The following SMG7 variants were observed in gnomAD, a reference collection of about 807,000 sequenced individuals.
SMG7 encodes the protein nonsense-mediated mRNA decay factor SMG7.
SMG7 carries 34 observed loss-of-function variants against 148.2 expected under a neutral mutation model. The ratio of observed to expected loss-of-function variants is 0.23; its 90% CI spans 0.17 to 0.31. SMG7 has a LOEUF of 0.31. Ranked by LOEUF, SMG7 falls within the 10% of genes least tolerant of loss-of-function variation. The pLI, the probability that SMG7 is intolerant of heterozygous loss-of-function variation, is 1.00. For missense variants in SMG7, 1,114 were observed against 1,408.4 expected (o/e 0.79, Z 3.35); for synonymous variants, 492 against 515.1 (o/e 0.96, Z 0.61).
rs1671400648 is a variant in SMG7, at chr1:183,553,608, G to GCCGC, written c.*1679_*1680insGCCC. On this transcript the variant is annotated 3_prime_UTR_variant, in exon 23 of 23. Transcript: ENST00000688051. Reference sequence around the variant, plus strand: ...TTGCTCTTCAGAGAGAGTGGTTGGAGCCCCCCCCGCCCCGTATGCTTACAT... The same window carrying GCCGC: ...TTGCTCTTCAGAGAGAGTGGTTGGAGCCGCCCCCCCCCGCCCCGTATGCTTACAT... 1 of 128,298 alleles carries GCCGC rather than the reference G, an allele frequency of 7.8e-6. No individual in the cohort carries two copies. Among genetic ancestry groups the GCCGC allele is most frequent in the Non-Finnish European group, 1.7e-5 (1 of 59,304 alleles). 7.9% of individuals were successfully genotyped at this position (128,298 alleles called of 1,614,324 possible).
intron 1 of SMG7, among the ~76,000 whole-genome samples, chr1:183,489,447 C>T (rs1264448695): frequency 6.6e-6 from 1 of 152,078 alleles, no homozygotes; most frequent in African/African-American, 2.4e-5. Context: ...TGGGACCTCA[C>T]CTCCCTAAGG....
intron 10 of SMG7, among the ~76,000 whole-genome samples, chr1:183,535,672 C>G (rs1281274451): frequency 1.3e-5 from 2 of 151,994 alleles, no homozygotes; most frequent in Non-Finnish European, 2.9e-5. Flanking sequence ...TTTACTTTCC[C>G]TTGTACTTTT....
At chr1:183,512,691 G>A (rs1164650790) in intron 1 of SMG7, 146 bp from the exon 2 acceptor site, 2 of 716,942 alleles carry the variant, frequency 2.8e-6, no homozygotes, top group Non-Finnish European at 4.6e-6. Context: ...AAGTAGGGAT[G>A]CTGTTTGCAG....
Position 183,528,952 on chromosome 1 carries a change from T to A in SMG7, c.617T>A (p.Ile206Asn). 1 of 1,613,646 alleles carries A rather than the reference T, an allele frequency of 6.2e-7. No homozygotes were observed. The highest frequency in any genetic ancestry group is 8.5e-7 in the Non-Finnish European group (1 of 1,179,632). ...TCCAAAGGAGACCATCTGACCACAATTTTCTACTACTGCAGAAGCATTGCT... is the reference window on the plus strand; with the variant it reads ...TCCAAAGGAGACCATCTGACCACAAATTTCTACTACTGCAGAAGCATTGCT... ...ASSKGDHLTT[I>N]FYYCRSIAVK... The change falls in exon 7 of 23, where the codon ATT becomes AAT. Residue 206 changes from isoleucine (I) to asparagine (N), a missense_variant. By Grantham distance (149) the Ile-to-Asn change is moderately radical. Transcript: ENST00000688051.
At chr1:183,502,524 G>A in intron 1 of SMG7, 2 of 610,766 alleles carry the variant, frequency 3.3e-6, no homozygotes, top group Non-Finnish European at 5.1e-6. Context: ...TCGGGATGGG[G>A]CATGCTAAAG....
chr1:183,551,853 T>A lies in SMG7; in HGVS notation c.3486T>A (p.Pro1162=), dbSNP rs1348140125. 6.2e-7 allele frequency: 1 copy of A among 1,613,792 alleles called. No individual in the cohort carries two copies. The highest frequency in any genetic ancestry group is 8.5e-7 in the Non-Finnish European group (1 of 1,179,810). ...CCAGTTCCATGATGCATCCTGGACC[T>A]TCTGCTCTGGAGCAGCTGTTAATGC... The part of the protein sequence containing the change: ...IWSSSMMHPG[P]SALEQLLMQQ... Residue 1162 remains proline (P), a synonymous_variant, in exon 23 of 23, where the codon CCT becomes CCA. Transcript: ENST00000688051.
chr1:183,552,851 G>A lies in SMG7; in HGVS notation c.*920G>A. 4.9e-6 allele frequency: 7 copies of A among 1,432,466 alleles called. No individual in the cohort carries two copies. Among genetic ancestry groups the A allele is most frequent in the Non-Finnish European group, 5.5e-6 (6 of 1,097,776 alleles). The allele number at this position is 1,432,466 out of a possible 1,614,324, so 88.7% of individuals were successfully genotyped here. ...CTTTCAGTGTGGTTATTTTTTCTTT[G>A]GTTGGTTTTTGTGCCCCCATTCTAC... On this transcript the variant is annotated 3_prime_UTR_variant, in exon 23 of 23. Coordinates refer to ENST00000688051, the MANE Select transcript of SMG7 (RefSeq NM_001375584.1).
At chr1:183,503,844 A>G (rs1463559601) in intron 1 of SMG7, among the ~76,000 whole-genome samples, 3 of 152,240 alleles carry the variant, frequency 2.0e-5, no homozygotes, top group Non-Finnish European at 4.4e-5. Flanking sequence ...ATGAGGAAAC[A>G]GTCTTCTTAA....
At chr1:183,544,864 A>G in intron 15 of SMG7, 66 bp from the exon 16 acceptor site, 2 of 1,543,964 alleles carry the variant, frequency 1.3e-6, no homozygotes, top group East Asian at 4.5e-5. Context: ...GTTAAAAAAA[A>G]AATGACTTTT....
chr1:183,505,129 A>G (rs1224684653), intron 1 of SMG7, among the ~76,000 whole-genome samples: 2 of 151,508 alleles, frequency 1.3e-5, no homozygotes, highest in Non-Finnish European at 1.5e-5. Flanking sequence ...AAAAAAAAGA[A>G]GAAACTTCTG....
At position 183,527,917 on chromosome 1, in the gene SMG7, G is replaced by GT. The variant is rs770339017; in HGVS notation, c.485-33dup. ...TTTTGGAAATACTACCCTACTGTTTGTTTTTTGGGTTTTTTAAAACTAATT... is the reference window on the plus strand; with the variant it reads ...TTTTGGAAATACTACCCTACTGTTTGTTTTTTTGGGTTTTTTAAAACTAATT... On this transcript the variant is annotated intron_variant, in intron 5 of 22. Transcript: ENST00000688051. The surrounding 1 kb of genome is among the most constrained non-coding windows in gnomAD (Gnocchi z 4.0). The GT allele has an allele frequency of 7.9e-6, 12 of 1,509,436 alleles. No individual in the cohort carries two copies. Among genetic ancestry groups the GT allele is most frequent in the South Asian group, 1.1e-5 (1 of 88,280 alleles). 93.5% of individuals were successfully genotyped at this position (1,509,436 alleles called of 1,614,324 possible). A position where few individuals can be genotyped will look rare whatever the true frequency, so the allele number is the denominator to read the frequency against.
intron 18 of SMG7, among the ~76,000 whole-genome samples, chr1:183,548,540 T>C (rs1339846048): frequency 6.6e-6 from 1 of 152,188 alleles, no homozygotes; most frequent in Non-Finnish European, 1.5e-5. Context: ...AAAAAAAACT[T>C]CGACTATAAC....
intron 1 of SMG7, 109 bp downstream of exon 1, chr1:183,472,758 C>T: frequency 9.6e-7 from 1 of 1,038,014 alleles, no homozygotes; most frequent in Admixed American, 3.3e-5. Flanking sequence ...GCTGCGTCCT[C>T]TCCTCGCCGG....
chr1:183,493,361 T>C (rs1351886050), intron 1 of SMG7, among the ~76,000 whole-genome samples: 1 of 152,242 alleles, frequency 6.6e-6, no homozygotes, highest in Non-Finnish European at 1.5e-5. Context: ...CAACTAATTC[T>C]AGTTGTTTAT....
At chr1:183,480,720 G>C (rs762282196) in intron 1 of SMG7, among the ~76,000 whole-genome samples, 2 of 152,034 alleles carry the variant, frequency 1.3e-5, no homozygotes. Flanking sequence ...GGCTTTACAG[G>C]GTGTTCTGAG....
chr1:183,502,456 T>C, intron 1 of SMG7: 1 of 1,276,512 alleles, frequency 7.8e-7, no homozygotes, highest in Non-Finnish European at 1.1e-6. Context: ...GTATTATTCA[T>C]ACTCTGTGAA....
intron 15 of SMG7, 93 bp from the exon 16 acceptor site, chr1:183,544,837 A>G: frequency 9.4e-5 from 107 of 1,136,946 alleles, no homozygotes; most frequent in Middle Eastern, 2.0e-4. Context: ...GTGTTAGAAG[A>G]CTCCCTCTAC....
chr1:183,489,609 G>A (rs964498664), intron 1 of SMG7, among the ~76,000 whole-genome samples: 1 of 152,146 alleles, frequency 6.6e-6, no homozygotes, highest in Admixed American at 6.5e-5. Context: ...TAGACAATTG[G>A]AATAGGACCA....
Position 183,533,281 on chromosome 1 carries a change from A to G in SMG7, c.961A>G (p.Ser321Gly). 1.9e-6 allele frequency: 3 copies of G among 1,613,978 alleles called. No individual in the cohort carries two copies. Among genetic ancestry groups the G allele is most frequent in the Non-Finnish European group, 2.5e-6 (3 of 1,179,854 alleles). ...CAATGAAACCGAGCAGCACACTTAT[A>G]GCCAAGATGAGCAGCTATGTTGGAC... ...FSNETEQHTYSQDEQLCWTQL... is the reference protein window; with the variant it reads ...FSNETEQHTYGQDEQLCWTQL... The change falls in exon 9 of 23, where the codon AGC becomes GGC. Residue 321 changes from serine to glycine, a missense_variant. This residue lies in a region of SMG7 where 102 missense variants were observed against 147.2 expected (regional missense o/e 0.69). Coordinates refer to ENST00000688051, the MANE Select transcript of SMG7 (RefSeq NM_001375584.1).
Sources: gnomAD v4.1 joint callset for allele counts (sites outside exome capture counted in the v4.1 genomes callset) on GRCh38, gnomAD v4.1.1 for gene constraint, gnomAD v4.1.1 regional missense constraint, Gnocchi (gnomAD v3.1) non-coding constraint, MANE v1.5 for transcripts, NCBI Gene and HGNC (gene_info 2026-07-23, HGNC 2026-07-21) for gene names.